DLG1: variants seen among roughly 807,000 people sequenced by gnomAD.
DLG1 encodes the protein discs large MAGUK scaffold protein 1.
Under a neutral mutation model 123.4 loss-of-function variants are expected in DLG1, and 42 were observed. The observed-to-expected ratio is 0.34, with a 90% confidence interval of 0.27 to 0.44. The LOEUF is 0.44. Among genes scored for constraint, DLG1 ranks in the 20% least tolerant of loss-of-function variants. The probability of loss-of-function intolerance (pLI) is 1.00; values close to 1 mark genes in which losing one functional copy is unlikely to be tolerated. For missense variants in DLG1, 942 were observed against 1,082.6 expected (o/e 0.87, Z 1.82); for synonymous variants, 317 against 356.2 (o/e 0.89, Z 1.24).
At chr3:197,067,793 G>A (rs1055824537) in intron 19 of DLG1, among the ~76,000 whole-genome samples, 1 of 152,136 alleles carries the variant, frequency 6.6e-6, no homozygotes, top group Non-Finnish European at 1.5e-5. Flanking sequence ...CTGACCTCAG[G>A]TGATCTGCCC....
rs1044277201 is a variant in DLG1, at chr3:197,115,951, G to A, written c.1419C>T (p.Leu473=). 1 of 1,612,550 alleles carries A rather than the reference G, an allele frequency of 6.2e-7. No individual in the cohort carries two copies. The highest frequency in any genetic ancestry group is 8.5e-7 in the Non-Finnish European group (1 of 1,179,572). The change falls in exon 13 of 25, where the codon CTC becomes CTT. Residue 473 remains leucine, a synonymous_variant. Coordinates refer to ENST00000667157, the MANE Select transcript of DLG1 (RefSeq NM_001366207.1). The part of the protein sequence containing the change: ...AGGPADLSGE[L]RKGDRIISVN... ...CCGATATAATACGATCTCCTTTTCT[G>A]AGCTCTCCACTTAGATCAGCAGGTC... is the stretch of plus-strand genomic sequence containing the variant.
chr3:197,292,257 T>C (rs1262316517), intron 3 of DLG1, among the ~76,000 whole-genome samples: 1 of 152,190 alleles, frequency 6.6e-6, no homozygotes, highest in East Asian at 1.9e-4. Flanking sequence ...ATGCGGTATA[T>C]ACATACAACG....
At chr3:197,123,202 G>C (rs904152718) in intron 11 of DLG1, among the ~76,000 whole-genome samples, 2 of 152,050 alleles carry the variant, frequency 1.3e-5, no homozygotes, top group African/African-American at 4.8e-5. Flanking sequence ...GCTCCTACAA[G>C]TCCCTTATGA....
intron 23 of DLG1, among the ~76,000 whole-genome samples, chr3:197,054,926 G>A (rs200028865): frequency 4.0e-5 from 6 of 151,554 alleles, no homozygotes; most frequent in African/African-American, 9.7e-5. Flanking sequence ...AGCGATTCTC[G>A]TGCCTCAGCC....
intron 11 of DLG1, among the ~76,000 whole-genome samples, chr3:197,128,505 G>A (rs1780914111): frequency 6.6e-6 from 1 of 152,158 alleles, no homozygotes. Context: ...CAACATCTTT[G>A]AAACTCCTGT....
chr3:197,068,364 C>T, intron 19 of DLG1: 5 of 624,306 alleles, frequency 8.0e-6, no homozygotes, highest in Non-Finnish European at 1.4e-5. Flanking sequence ...TGCTGAAATA[C>T]AGGAAATCAT....
intron 5 of DLG1, among the ~76,000 whole-genome samples, chr3:197,168,671 T>C (rs915171495): frequency 6.6e-6 from 1 of 152,240 alleles, no homozygotes; most frequent in African/African-American, 2.4e-5. Flanking sequence ...AAATCTTATA[T>C]AACTATTTCA....
chr3:197,066,839 T>A, intron 19 of DLG1, 85 bp from the exon 20 acceptor site: 1 of 852,696 alleles, frequency 1.2e-6, no homozygotes, highest in Non-Finnish European at 1.8e-6. Flanking sequence ...TATACATTAC[T>A]AGAACTTTCC....
chr3:197,112,327 C>G (rs1770529518), intron 13 of DLG1, among the ~76,000 whole-genome samples: 1 of 152,188 alleles, frequency 6.6e-6, no homozygotes, highest in African/African-American at 2.4e-5. Context: ...CACTCTTATT[C>G]AACTCCCTAC....
In DLG1 at chr3:197,049,883, C is replaced by T. The variant is rs930135549; in HGVS notation, c.2575+1694G>A. ...TTTGAGACCAGCCTAGGCAACATAG[C>T]GAGACCCTGTCTCTACAAAAATAAA... is the stretch of plus-strand genomic sequence containing the variant. On this transcript the variant is annotated intron_variant, in intron 24 of 24. Coordinates refer to ENST00000667157, the MANE Select transcript of DLG1 (RefSeq NM_001366207.1). 8.6e-5 allele frequency among the ~76,000 whole-genome samples: 13 copies of T among 151,902 alleles called. 1 individual carries two copies. The highest frequency in any genetic ancestry group is 4.1e-4 in the South Asian group (2 of 4,820).
At chr3:197,057,750 T>C (rs1435348534) in intron 23 of DLG1, among the ~76,000 whole-genome samples, 2 of 152,188 alleles carry the variant, frequency 1.3e-5, no homozygotes, top group African/African-American at 2.4e-5. Flanking sequence ...GCTGCCTCTG[T>C]TGATCTCTTT....
intron 4 of DLG1, among the ~76,000 whole-genome samples, chr3:197,227,081 T>C (rs1403162546): frequency 1.3e-5 from 2 of 152,212 alleles, no homozygotes; most frequent in East Asian, 3.8e-4. Context: ...CACAAAGGAA[T>C]ATTTACTGCT....
At chr3:197,219,289 A>G (rs751078540) in intron 4 of DLG1, among the ~76,000 whole-genome samples, 33 of 152,202 alleles carry the variant, frequency 2.2e-4, no homozygotes, top group Non-Finnish European at 3.7e-4. Context: ...CAGAGGCTAC[A>G]ATGACTTTCT....
intron 5 of DLG1, among the ~76,000 whole-genome samples, chr3:197,170,104 T>C (rs1367642803): frequency 2.0e-5 from 3 of 152,224 alleles, no homozygotes; most frequent in Non-Finnish European, 4.4e-5. Context: ...TTCATTTTTA[T>C]TGTTGCATAG....
intron 22 of DLG1, among the ~76,000 whole-genome samples, chr3:197,060,804 C>T (rs890290325): frequency 6.6e-6 from 1 of 152,170 alleles, no homozygotes; most frequent in Non-Finnish European, 1.5e-5. Context: ...ATCAGGCCCT[C>T]CCCGATAATG....
At chr3:197,071,839 G>C (rs1744149430) in intron 18 of DLG1, among the ~76,000 whole-genome samples, 1 of 152,094 alleles carries the variant, frequency 6.6e-6, no homozygotes, top group African/African-American at 2.4e-5. Context: ...CGCTAGGAAT[G>C]GGCAAACTGG....
chr3:197,197,542 C>A (rs1723153205), intron 4 of DLG1, among the ~76,000 whole-genome samples: 1 of 152,198 alleles, frequency 6.6e-6, no homozygotes, highest in Non-Finnish European at 1.5e-5. Context: ...AAAATTGGCT[C>A]CCTGCCATCT....
At chr3:197,293,609 G>A (rs955258840) in intron 3 of DLG1, among the ~76,000 whole-genome samples, 6 of 131,458 alleles carry the variant, frequency 4.6e-5, no homozygotes, top group African/African-American at 1.7e-4. Context: ...CTACAGGGGG[G>A]GACACCAAAC....
intron 5 of DLG1, among the ~76,000 whole-genome samples, chr3:197,177,977 A>G (rs1179685484): frequency 6.6e-6 from 1 of 152,158 alleles, no homozygotes; most frequent in African/African-American, 2.4e-5. Context: ...CTGTCTCTTC[A>G]CTCATTCAAC....
Sources: allele counts gnomAD v4.1 joint callset (sites outside exome capture counted in the v4.1 genomes callset), GRCh38; gene constraint gnomAD v4.1.1; transcripts MANE v1.5; gene names NCBI Gene and HGNC (gene_info 2026-07-23, HGNC 2026-07-21).